PCIF1: variants seen among roughly 807,000 people sequenced by gnomAD.
PCIF1 encodes the protein mRNA (2'-O-methyladenosine-N(6)-)-methyltransferase.
In PCIF1, 12 loss-of-function variants were observed where a neutral mutation model predicts 86.9. The ratio of observed to expected loss-of-function variants is 0.14; its 90% CI spans 0.09 to 0.22. The LOEUF is 0.22. Ranked by LOEUF, PCIF1 falls within the 10% of genes least tolerant of loss-of-function variation. The probability of loss-of-function intolerance (pLI) is 1.00; values close to 1 mark genes in which losing one functional copy is unlikely to be tolerated. For missense variants in PCIF1, 701 were observed against 951.1 expected (o/e 0.74, Z 3.46); for synonymous variants, 397 against 372.0 (o/e 1.07, Z -0.77).
intron 7 of PCIF1, among the ~76,000 whole-genome samples, chr20:45,941,426 G>C (rs999308620): frequency 1.3e-5 from 2 of 152,172 alleles, no homozygotes; most frequent in Admixed American, 6.5e-5. Context: ...AAATGAATAA[G>C]TATTAAATGA....
chr20:45,945,964 G>T lies in PCIF1; in HGVS notation c.1342-65G>T, dbSNP rs1382832476. 2.4e-5 allele frequency: 39 copies of T among 1,612,814 alleles called. 1 individual carries two copies. Among genetic ancestry groups the T allele is most frequent in the Non-Finnish European group, 1.3e-5 (15 of 1,179,078 alleles). On this transcript the variant is annotated intron_variant, in intron 12 of 16. Transcript: ENST00000372409. Reference sequence around the variant, plus strand: ...CTTTCCTGAGCAGAGTCCCCAGCAGGAGGCCAGTGATGAGGACATGAGGGA... The same window carrying T: ...CTTTCCTGAGCAGAGTCCCCAGCAGTAGGCCAGTGATGAGGACATGAGGGA...
At chr20:45,941,701 G>A (rs1182502802) in intron 7 of PCIF1, among the ~76,000 whole-genome samples, 9 of 151,544 alleles carry the variant, frequency 5.9e-5, no homozygotes, top group Non-Finnish European at 8.8e-5. Flanking sequence ...CTTGTGATGC[G>A]CCCGCCTCAG....
chr20:45,940,661 G>A (rs762276167), intron 5 of PCIF1, 49 bp downstream of exon 5: 1 of 1,578,732 alleles, frequency 6.3e-7, no homozygotes, highest in Admixed American at 1.9e-5. Context: ...GGCTCAGACG[G>A]GCCGCCTGCA....
intron 1 of PCIF1, among the ~76,000 whole-genome samples, chr20:45,935,259 T>G (rs2083412577): frequency 6.6e-6 from 1 of 151,934 alleles, no homozygotes; most frequent in Non-Finnish European, 1.5e-5. Flanking sequence ...GCGTACTTTG[T>G]TCGCCCTTTG....
intron 1 of PCIF1, among the ~76,000 whole-genome samples, chr20:45,935,460 T>G (rs2083415928): frequency 6.6e-6 from 1 of 152,042 alleles, no homozygotes; most frequent in Non-Finnish European, 1.5e-5. Flanking sequence ...AGCCACAGGA[T>G]AAATAAAGAC....
chr20:45,946,011 C>T lies in PCIF1; in HGVS notation c.1342-18C>T, dbSNP rs768755289. 3.1e-6 allele frequency: 5 copies of T among 1,614,060 alleles called. No homozygotes were observed. Among genetic ancestry groups the T allele is most frequent in the Non-Finnish European group, 4.2e-6 (5 of 1,179,932 alleles). The stretch of plus-strand genomic sequence containing the variant: ...GGGAGCACTGCTGAAGGCTCCTCCT[C>T]TCTGTCCCGCTCCACAGTGGCTCCT... On this transcript the variant is annotated intron_variant, in intron 12 of 16. Coordinates refer to ENST00000372409, the MANE Select transcript of PCIF1 (RefSeq NM_022104.4).
chr20:45,945,924 G>A lies in PCIF1; in HGVS notation c.1341+41G>A, dbSNP rs370452526. 26 of 1,613,304 alleles carry A rather than the reference G, an allele frequency of 1.6e-5. No individual in the cohort carries two copies. In the African/African-American group the frequency reaches 2.5e-4, roughly 16 times the overall value. On this transcript the variant is annotated intron_variant, in intron 12 of 16. Coordinates refer to ENST00000372409, the MANE Select transcript of PCIF1 (RefSeq NM_022104.4). ...AGGAAGGCCCTAGCTGATGGCATGAGTCAGGGCCTAGGATCTTTCCTGAGC... is the reference window on the plus strand; with the variant it reads ...AGGAAGGCCCTAGCTGATGGCATGAATCAGGGCCTAGGATCTTTCCTGAGC...
intron 7 of PCIF1, among the ~76,000 whole-genome samples, 175 bp downstream of exon 7, chr20:45,941,382 C>G (rs531672010): frequency 3.9e-4 from 60 of 152,312 alleles, no homozygotes; most frequent in Non-Finnish European, 7.1e-4. Context: ...ACAAGAGTAT[C>G]TATACCTTAG....
rs879787634 is a variant in PCIF1, at chr20:45,937,500, C to T, written c.-105C>T. On this transcript the variant is annotated 5_prime_UTR_variant, in exon 2 of 17. Coordinates refer to ENST00000372409, the MANE Select transcript of PCIF1 (RefSeq NM_022104.4). ...CGCCTGTGCTGAGTCTTCCTGCAGGCCTTTCCTTGCCTCTGTGGGACCCTG... is the reference window on the plus strand; with the variant it reads ...CGCCTGTGCTGAGTCTTCCTGCAGGTCTTTCCTTGCCTCTGTGGGACCCTG... 7.5e-6 allele frequency: 3 copies of T among 399,018 alleles called. No homozygotes were observed. The highest frequency in any genetic ancestry group is 2.1e-5 in the African/African-American group (1 of 48,646). The allele number at this position is 399,018 out of a possible 1,614,324, so 24.7% of individuals were successfully genotyped here.
Position 45,934,747 on chromosome 20 carries a change from CA to C in PCIF1, c.-241del. On this transcript the variant is annotated 5_prime_UTR_variant, in exon 1 of 17. An upstream open reading frame in the 5' UTR loses its in-frame stop. Coordinates refer to ENST00000372409, the MANE Select transcript of PCIF1 (RefSeq NM_022104.4). The stretch of plus-strand genomic sequence containing the variant: ...GCTGGGGAGGGCGAGGCGGAGGCGG[CA>C]AAACGGGCGGTCGAGCAGAACGTGT... The C allele has an allele frequency of 2.5e-6, 1 of 398,752 alleles. No homozygotes were observed. The highest frequency in any genetic ancestry group is 4.4e-6 in the Non-Finnish European group (1 of 226,078). 24.7% of individuals were successfully genotyped at this position (398,752 alleles called of 1,614,324 possible).
chr20:45,941,312 G>A, intron 7 of PCIF1, 105 bp downstream of exon 7: 1 of 1,375,698 alleles, frequency 7.3e-7, no homozygotes, highest in Non-Finnish European at 9.9e-7. Context: ...CCAGTGGTGA[G>A]CCATGATCAC....
intron 12 of PCIF1, 62 bp from the exon 13 acceptor site, chr20:45,945,967 G>A: frequency 2.7e-5 from 44 of 1,612,770 alleles, no homozygotes; most frequent in African/African-American, 4.0e-5. Flanking sequence ...CCAGCAGGAG[G>A]CCAGTGATGA....
chr20:45,936,912 G>A (rs1250770393), intron 1 of PCIF1, among the ~76,000 whole-genome samples: 1 of 152,198 alleles, frequency 6.6e-6, no homozygotes, highest in Non-Finnish European at 1.5e-5. Context: ...GGGTGATGGA[G>A]TCTCACTCCG....
intron 4 of PCIF1, 101 bp from the exon 5 acceptor site, chr20:45,940,374 C>T (rs1600503199): frequency 7.2e-7 from 1 of 1,387,488 alleles, no homozygotes; most frequent in African/African-American, 1.5e-5. Context: ...CTGCTCTTCC[C>T]TAAGGAGTAG....
At chr20:45,937,832 A>G (rs1303777873) in intron 2 of PCIF1, 1 of 359,198 alleles carries the variant, frequency 2.8e-6, no homozygotes, top group Admixed American at 4.7e-5. Flanking sequence ...ATTAAGGAAG[A>G]CGTCTATGAT....
intron 10 of PCIF1, 67 bp from the exon 11 acceptor site, chr20:45,944,801 T>G (rs1001352155): frequency 6.5e-7 from 1 of 1,542,202 alleles, no homozygotes; most frequent in African/African-American, 1.4e-5. Context: ...AGCCCTGCGG[T>G]TACCTGCCAG....
At position 45,947,282 on chromosome 20, in the gene PCIF1, C is replaced by A; in HGVS notation, c.1727C>A (p.Pro576Gln). ...CCACAGAGACTGCTTGAGAGCTCACCGGAGCCCCTGTCCTTCATCGTGTTC... is the reference window on the plus strand; with the variant it reads ...CCACAGAGACTGCTTGAGAGCTCACAGGAGCCCCTGTCCTTCATCGTGTTC... ...SHFERLLESS[P>Q]EPLSFIVFIP... is the part of the protein sequence containing the mutation. The change falls in exon 16 of 17, where the codon CCG (proline) becomes CAG (glutamine). Residue 576 changes from proline to glutamine, a missense_variant. Around this residue, in one of 7 missense-constraint regions of PCIF1, gnomAD observed 174 missense variants for 206.9 expected, o/e 0.84. Coordinates refer to ENST00000372409, the MANE Select transcript of PCIF1 (RefSeq NM_022104.4). This position sits in a 1 kb window ranked among gnomAD's most constrained non-coding sequence, Gnocchi z 5.4. 3.7e-6 allele frequency: 6 copies of A among 1,612,994 alleles called. No homozygotes were observed. Among genetic ancestry groups the A allele is most frequent in the Non-Finnish European group, 8.5e-7 (1 of 1,179,188 alleles).
chr20:45,940,674 C>A (rs778661376), intron 5 of PCIF1, 62 bp downstream of exon 5: 1,239 of 1,575,040 alleles, frequency 7.9e-4, no homozygotes, highest in Non-Finnish European at 9.8e-4. Flanking sequence ...CGCCTGCAGG[C>A]TCCCTGCAGG....
intron 7 of PCIF1, among the ~76,000 whole-genome samples, chr20:45,942,007 G>A (rs1484280457): frequency 1.5e-5 from 2 of 131,486 alleles, no homozygotes; most frequent in African/African-American, 2.9e-5. Flanking sequence ...ACGGCGTCTC[G>A]CTCTGTCGCC....
Sources: gnomAD v4.1 joint callset for allele counts (sites outside exome capture counted in the v4.1 genomes callset) on GRCh38, gnomAD v4.1.1 for gene constraint, gnomAD v4.1.1 regional missense constraint, Gnocchi (gnomAD v3.1) non-coding constraint, MANE v1.5 for transcripts, NCBI Gene and HGNC (gene_info 2026-07-23, HGNC 2026-07-21) for gene names.